Variants in CDYL2 observed in about 807,000 individuals in gnomAD.
CDYL2 encodes chromodomain Y like 2.
A neutral mutation model predicts 49.4 loss-of-function variants in CDYL2; 23 were observed. That is an observed-to-expected ratio of 0.47 (90% CI 0.34 to 0.66). The LOEUF is 0.66. Ranked by LOEUF, CDYL2 falls within the 30% of genes least tolerant of loss-of-function variation. The pLI is 0.01. For missense variants in CDYL2, 678 were observed against 656.4 expected (o/e 1.03, Z -0.36); for synonymous variants, 360 against 268.8 (o/e 1.34, Z -3.32).
chr16:80,658,788 T>C (rs77692485), intron 2 of CDYL2, among the ~76,000 whole-genome samples: 3,988 of 152,142 alleles, frequency 0.026, 144 homozygotes, highest in African/African-American at 0.072. Context: ...CCCACTAAAA[T>C]AAACAAGGGC....
intron 1 of CDYL2, among the ~76,000 whole-genome samples, chr16:80,797,383 G>A (rs1449460223): frequency 2.0e-5 from 3 of 152,120 alleles, no homozygotes; most frequent in East Asian, 1.9e-4. Context: ...AATCCCTACA[G>A]ACCATCAATC....
intron 1 of CDYL2, among the ~76,000 whole-genome samples, chr16:80,721,378 A>C (rs955908851): frequency 2.0e-4 from 30 of 152,174 alleles, no homozygotes; most frequent in African/African-American, 7.2e-4. Context: ...TGGGGCCTGG[A>C]TTCAAAATCA....
At chr16:80,733,214 G>A (rs1016919677) in intron 1 of CDYL2, among the ~76,000 whole-genome samples, 2 of 152,142 alleles carry the variant, frequency 1.3e-5, no homozygotes, top group Non-Finnish European at 2.9e-5. Flanking sequence ...AAAATCAGTG[G>A]TCAAAAAAAG....
rs763515409 is a variant in CDYL2 at position 80,684,939 on chromosome 16, G to C, written c.215C>G (p.Ser72Cys). ...GTCACGCAGCAGCTTGGAGGTACTG[G>C]ACTGCTTCCCTGACTTGATCCTCTT... is the stretch of plus-strand genomic sequence containing the variant. ...KDKRIKSGKQ[S>C]STSKLLRDSR... The change falls in exon 2 of 7, where the codon TCC (serine) becomes TGC (cysteine). Residue 72 changes from serine (S) to cysteine (C), a missense_variant. Coordinates refer to ENST00000570137, the MANE Select transcript of CDYL2 (RefSeq NM_152342.4). 1.9e-6 allele frequency: 3 copies of C among 1,614,174 alleles called. No homozygotes were observed. The highest frequency in any genetic ancestry group is 2.5e-6 in the Non-Finnish European group (3 of 1,180,042).
chr16:80,628,750 C>G (rs1181429584), intron 3 of CDYL2, among the ~76,000 whole-genome samples: 2 of 152,208 alleles, frequency 1.3e-5, no homozygotes, highest in Non-Finnish European at 2.9e-5. Context: ...AGCACCTAGT[C>G]CAGACCCTTT....
intron 1 of CDYL2, among the ~76,000 whole-genome samples, chr16:80,758,678 G>A (rs1469202455): frequency 6.6e-6 from 1 of 151,732 alleles, no homozygotes; most frequent in Admixed American, 6.6e-5. Flanking sequence ...GAGTAGCTGG[G>A]ACTACAGGCA....
chr16:80,724,185 G>C (rs1034599217), intron 1 of CDYL2, among the ~76,000 whole-genome samples: 1 of 147,952 alleles, frequency 6.8e-6, no homozygotes, highest in Non-Finnish European at 1.5e-5. Flanking sequence ...AAGAGGAAGA[G>C]GAGAGGAGGA....
At chr16:80,699,822 G>C (rs1422308512) in intron 1 of CDYL2, among the ~76,000 whole-genome samples, 2 of 151,750 alleles carry the variant, frequency 1.3e-5, no homozygotes, top group African/African-American at 2.4e-5. Context: ...TTCTTAAAAG[G>C]TTGAAAGGTA....
intron 6 of CDYL2, among the ~76,000 whole-genome samples, chr16:80,606,152 T>C (rs901937903): frequency 6.6e-6 from 1 of 152,220 alleles, no homozygotes; most frequent in East Asian, 1.9e-4. Context: ...CTCCCCTGCC[T>C]GGGCTAGAGG....
intron 6 of CDYL2, among the ~76,000 whole-genome samples, chr16:80,606,443 T>G (rs1906337845): frequency 6.6e-6 from 1 of 152,172 alleles, no homozygotes; most frequent in African/African-American, 2.4e-5. Context: ...TCCATGCAGC[T>G]TGCAGGCCAG....
chr16:80,691,805 G>C (rs1288298646), intron 1 of CDYL2, among the ~76,000 whole-genome samples: 1 of 152,102 alleles, frequency 6.6e-6, no homozygotes, highest in Non-Finnish European at 1.5e-5. Flanking sequence ...ATGATGAAAT[G>C]AAACCAACAG....
At position 80,620,808 on chromosome 16, in the gene CDYL2, G is replaced by A; in HGVS notation, c.962C>T (p.Ser321Phe). 6.2e-7 allele frequency: 1 copy of A among 1,610,970 alleles called. No homozygotes were observed. Among genetic ancestry groups the A allele is most frequent in the Non-Finnish European group, 8.5e-7 (1 of 1,177,912 alleles). The change falls in exon 4 of 7, where the codon TCC (serine) becomes TTC (phenylalanine). Residue 321 changes from serine to phenylalanine, a missense_variant. By Grantham distance (155) the Ser-to-Phe change is radical. Coordinates refer to ENST00000570137, the MANE Select transcript of CDYL2 (RefSeq NM_152342.4). ...LDYSYLIGRL[S>F]SDRRKESTRI... is the part of the protein sequence containing the mutation. ...AGTGCTCTCCTTTCGCCGGTCGCTGGACAACCGGCCAATTAGGTAGGAATA... is the reference window on the plus strand; with the variant it reads ...AGTGCTCTCCTTTCGCCGGTCGCTGAACAACCGGCCAATTAGGTAGGAATA...
intron 1 of CDYL2, 82 bp from the exon 2 acceptor site, chr16:80,685,211 GC>G: frequency 8.9e-7 from 1 of 1,128,576 alleles, no homozygotes; most frequent in Non-Finnish European, 1.3e-6. Flanking sequence ...ACACCATAAA[GC>G]CTTTGGGATA....
chr16:80,719,528 A>C (rs569541182), intron 1 of CDYL2, among the ~76,000 whole-genome samples: 5 of 152,144 alleles, frequency 3.3e-5, no homozygotes, highest in Admixed American at 1.3e-4. Context: ...GTGTGCACTA[A>C]ATTTTGAGAA....
chr16:80,735,630 G>A (rs1905494365), intron 1 of CDYL2, among the ~76,000 whole-genome samples: 1 of 152,192 alleles, frequency 6.6e-6, no homozygotes, highest in African/African-American at 2.4e-5. Context: ...ATGGCCCCCA[G>A]GCTCCAACTA....
At chr16:80,725,603 G>C (rs147413200) in intron 1 of CDYL2, among the ~76,000 whole-genome samples, 3 of 152,178 alleles carry the variant, frequency 2.0e-5, no homozygotes, top group Non-Finnish European at 4.4e-5. Flanking sequence ...TCATGTCCAA[G>C]AACTGTGCTT....
intron 1 of CDYL2, among the ~76,000 whole-genome samples, chr16:80,784,318 T>G (rs1907363562): frequency 6.6e-6 from 1 of 152,206 alleles, no homozygotes; most frequent in Non-Finnish European, 1.5e-5. Context: ...TGAGTACCAC[T>G]TTAACCCATT....
At chr16:80,619,130 T>C (rs1166136947) in intron 4 of CDYL2, among the ~76,000 whole-genome samples, 1 of 152,150 alleles carries the variant, frequency 6.6e-6, no homozygotes. Flanking sequence ...CTCTACGCTC[T>C]CCCTTTCTGT....
intron 1 of CDYL2, among the ~76,000 whole-genome samples, chr16:80,773,808 A>G (rs565496987): frequency 6.6e-6 from 1 of 152,276 alleles, no homozygotes; most frequent in East Asian, 1.9e-4. Context: ...TTTAATTTAT[A>G]TATTTAGGAG....
Sources: allele counts gnomAD v4.1 joint callset (sites outside exome capture counted in the v4.1 genomes callset), GRCh38; gene constraint gnomAD v4.1.1; transcripts MANE v1.5; gene names NCBI Gene and HGNC (gene_info 2026-07-23, HGNC 2026-07-21).